IFIH1: variants seen among roughly 807,000 people sequenced by gnomAD.
The protein encoded by IFIH1 is interferon induced with helicase C domain 1.
A neutral mutation model predicts 107.4 loss-of-function variants in IFIH1; 125 were observed. The observed-to-expected ratio is 1.16, with a 90% CI of 1.01 to 1.35. IFIH1 has a LOEUF of 1.35. Among genes scored for constraint, IFIH1 ranks in the 40% most tolerant of loss-of-function variants. The pLI, the probability that IFIH1 is intolerant of heterozygous loss-of-function variation, is 0.00. For synonymous variants in IFIH1, 458 were observed against 413.2 expected, an observed-to-expected ratio of 1.11 and a Z score of -1.31; for missense variants, 1,333 against 1,213.7, an observed-to-expected ratio of 1.10 and a Z score of -1.46.
chr2:162,280,782 G>T (rs1349105051), intron 7 of IFIH1, among the ~76,000 whole-genome samples: 1 of 151,956 alleles, frequency 6.6e-6, no homozygotes, highest in African/African-American at 2.4e-5. Flanking sequence ...TACTTCTTGG[G>T]CTACTCTGAT....
chr2:162,274,819 C>T (rs976897721), intron 11 of IFIH1, among the ~76,000 whole-genome samples: 2 of 152,158 alleles, frequency 1.3e-5, no homozygotes, highest in African/African-American at 4.8e-5. Context: ...TCCACACTGT[C>T]TATTGCCCCC....
Position 162,283,244 on chromosome 2 carries a change from T to C in IFIH1, c.1096-668A>G, listed in dbSNP as rs992477580. Among the ~76,000 whole-genome samples the C allele has an allele frequency of 9.9e-5, 15 of 151,882 alleles. No homozygotes were observed. In the East Asian group the frequency reaches 2.1e-3, roughly 22 times the overall value. On this transcript the variant is annotated intron_variant, in intron 5 of 15. Transcript: ENST00000649979. ...GAACCACAAGTGAGGAGTTAGGGCA[T>C]TGACTAGGAGAACAGATGTGAAGTG...
At chr2:162,276,204 T>G (rs1691150978) in intron 11 of IFIH1, among the ~76,000 whole-genome samples, 1 of 152,200 alleles carries the variant, frequency 6.6e-6, no homozygotes, top group East Asian at 1.9e-4. Context: ...GCCTTAGATT[T>G]TATTTCAAGA....
intron 3 of IFIH1, among the ~76,000 whole-genome samples, chr2:162,301,834 C>T (rs896682782): frequency 7.2e-5 from 11 of 152,114 alleles, no homozygotes; most frequent in East Asian, 3.9e-4. Context: ...TGTTATAAGA[C>T]GACCAGTGAC....
chr2:162,290,051 T>C (rs1482613305), intron 4 of IFIH1, among the ~76,000 whole-genome samples: 3 of 151,878 alleles, frequency 2.0e-5, no homozygotes, highest in East Asian at 3.9e-4. Flanking sequence ...GCCAGTATAT[T>C]TGCAAAGGAA....
intron 11 of IFIH1, 95 bp downstream of exon 11, chr2:162,276,592 G>T: frequency 1.0e-5 from 14 of 1,354,024 alleles, no homozygotes; most frequent in Non-Finnish European, 1.4e-5. Flanking sequence ...GTGACAGAGC[G>T]AGGCCTCGTC....
Position 162,273,892 on chromosome 2 carries a change from A to G in IFIH1, c.2357T>C (p.Leu786Pro), listed in dbSNP as rs774809633. ...TTCTTCTGCCACTGTGGTAGCGATA[A>G]GCAGATTTATTTTTCCAGTGCGAAA... The part of the protein sequence containing the change: ...SKFRTGKINL[L>P]IATTVAEEGL... The change falls in exon 12 of 16, where the codon CTT becomes CCT. Residue 786 changes from leucine (L) to proline (P), a missense_variant. Transcript: ENST00000649979. The G allele has an allele frequency of 6.2e-7, 1 of 1,610,058 alleles. No homozygotes were observed. Among genetic ancestry groups the G allele is most frequent in the Non-Finnish European group, 8.5e-7 (1 of 1,177,022 alleles).
chr2:162,268,342 A>C (rs1193319190), intron 13 of IFIH1, 65 bp from the exon 14 acceptor site: 1 of 1,074,998 alleles, frequency 9.3e-7, no homozygotes, highest in African/African-American at 1.6e-5. Flanking sequence ...TCATAGAAGT[A>C]AGTCTCCTGA....
In IFIH1 at chr2:162,312,676, A is replaced by AT. The variant is rs1320780860; in HGVS notation, c.454-1744dup. On this transcript the variant is annotated intron_variant, in intron 1 of 15. Coordinates refer to ENST00000649979, the MANE Select transcript of IFIH1 (RefSeq NM_022168.4). ...AGCAGATTTTTGCTCATTTTTTACCATTTTTTTCTAGCTCTCTTAGTCTCC... is the reference window on the plus strand; with the variant it reads ...AGCAGATTTTTGCTCATTTTTTACCATTTTTTTTCTAGCTCTCTTAGTCTCC... Among the ~76,000 whole-genome samples, 8 of 152,126 alleles carry AT rather than the reference A, an allele frequency of 5.3e-5. No homozygotes were observed. In the South Asian group the frequency reaches 1.2e-3, roughly 24 times the overall value.
chr2:162,292,671 G>C (rs181386387), intron 4 of IFIH1, among the ~76,000 whole-genome samples: 2 of 151,764 alleles, frequency 1.3e-5, no homozygotes, highest in Admixed American at 1.3e-4. Context: ...GAAGAATAAA[G>C]TAATGTGTTT....
In IFIH1 at chr2:162,317,917, C is replaced by T. The variant is rs2105237866; in HGVS notation, c.391G>A (p.Val131Ile). The change falls in exon 1 of 16, where the codon GTT becomes ATT. Residue 131 changes from valine to isoleucine, a missense_variant. Transcript: ENST00000649979. ...ATGCACTTATCCAAGACGTCTCTAACTAGAAGCTTGTCCACCAGAGTGGGC... is the reference window on the plus strand; with the variant it reads ...ATGCACTTATCCAAGACGTCTCTAATTAGAAGCTTGTCCACCAGAGTGGGC... Reference protein sequence around the residue: ...LQPTLVDKLLVRDVLDKCMEE... With the variant: ...LQPTLVDKLLIRDVLDKCMEE... 1.9e-6 allele frequency: 3 copies of T among 1,613,552 alleles called. No individual in the cohort carries two copies. Among genetic ancestry groups the T allele is most frequent in the Non-Finnish European group, 8.5e-7 (1 of 1,179,676 alleles).
Position 162,315,805 on chromosome 2 carries a change from G to A in IFIH1, c.453+2050C>T, listed in dbSNP as rs765049134. 3.6e-4 allele frequency among the ~76,000 whole-genome samples: 55 copies of A among 152,236 alleles called. 1 individual carries two copies. The highest frequency in any genetic ancestry group is 1.8e-3 in the Admixed American group (28 of 15,294). ...TTATTCTACCAAACTTAATGCTTCC[G>A]TCTCATTGTCCACCATATCTTAGTT... On this transcript the variant is annotated intron_variant, in intron 1 of 15. Coordinates refer to ENST00000649979, the MANE Select transcript of IFIH1 (RefSeq NM_022168.4).
In IFIH1 at chr2:162,310,810, G is replaced by T. The variant is rs541721599; in HGVS notation, c.577C>A (p.Leu193Ile). 1.9e-6 allele frequency: 3 copies of T among 1,613,788 alleles called. No homozygotes were observed. The highest frequency in any genetic ancestry group is 4.5e-5 in the East Asian group (2 of 44,826). The part of the protein sequence containing the change: ...NVLRQTGNNE[L>I]VQELTGSDCS... ...TCAGAGCCTGTTAACTCTTGGACAA[G>T]TTCATTGTTTCCTGTTTGACGAAGA... The change falls in exon 2 of 16, where the codon CTT becomes ATT. Residue 193 changes from leucine (L) to isoleucine (I), a missense_variant. Leu to Ile is a conservative substitution (Grantham distance 5). Transcript: ENST00000649979.
chr2:162,273,489 A>G (rs1487526508), intron 12 of IFIH1, among the ~76,000 whole-genome samples: 3 of 152,112 alleles, frequency 2.0e-5, no homozygotes, highest in Non-Finnish European at 2.9e-5. Flanking sequence ...ACATCCTAGG[A>G]AAGAGGAGGC....
At chr2:162,288,479 C>T in intron 4 of IFIH1, 124 bp from the exon 5 acceptor site, 1 of 653,078 alleles carries the variant, frequency 1.5e-6, no homozygotes, top group Admixed American at 2.8e-5. Flanking sequence ...CAAACCAATT[C>T]ATTTTCTCTT....
chr2:162,314,485 T>TTTCTTTC lies in IFIH1; in HGVS notation c.453+3369_453+3370insGAAAGAA, dbSNP rs1491551500. Among the ~76,000 whole-genome samples the TTTCTTTC allele has an allele frequency of 4.4e-4, 51 of 115,784 alleles. 3 individuals are homozygous for TTTCTTTC. Among genetic ancestry groups the TTTCTTTC allele is most frequent in the East Asian group, 2.3e-4 (1 of 4,364 alleles). The allele number at this position is 115,784 out of a possible 152,430, so 76.0% of individuals were successfully genotyped here. A position where few individuals can be genotyped will look rare whatever the true frequency, so the allele number is the denominator to read the frequency against. On this transcript the variant is annotated intron_variant, in intron 1 of 15. Coordinates refer to ENST00000649979, the MANE Select transcript of IFIH1 (RefSeq NM_022168.4). ...CTTTCTTTCTTTCTTTCTTTCTTTC[T>TTTCTTTC]TTTTCTTTCTCTCTTTCTTATTAGA...
chr2:162,277,035 A>C (rs1682687551), intron 10 of IFIH1, 89 bp from the exon 11 acceptor site: 1 of 881,766 alleles, frequency 1.1e-6, no homozygotes. Flanking sequence ...TGTACACCAA[A>C]AATATACAGT....
chr2:162,305,959 C>T (rs767729371), intron 3 of IFIH1, among the ~76,000 whole-genome samples: 11 of 152,188 alleles, frequency 7.2e-5, no homozygotes, highest in Non-Finnish European at 1.6e-4. Context: ...AATATTTAAA[C>T]CACAGAGACT....
intron 8 of IFIH1, 111 bp from the exon 9 acceptor site, chr2:162,278,439 G>C (rs560891454): frequency 3.2e-6 from 2 of 623,754 alleles, no homozygotes; most frequent in South Asian, 5.2e-5. Flanking sequence ...TCTTTGTTTA[G>C]ACAAAGTAAC....
Sources: gnomAD v4.1 joint callset for allele counts (sites outside exome capture counted in the v4.1 genomes callset) on GRCh38, gnomAD v4.1.1 for gene constraint, MANE v1.5 for transcripts, NCBI Gene and HGNC (gene_info 2026-07-23, HGNC 2026-07-21) for gene names.